Variants in NLRP14 observed in about 807,000 individuals in gnomAD.
NLRP14 encodes NACHT, LRR and PYD domains-containing protein 14.
A neutral mutation model predicts 94.7 loss-of-function variants in NLRP14; 105 were observed. The observed-to-expected ratio is 1.11, with a 90% CI of 0.95 to 1.30. NLRP14 has a LOEUF of 1.30. Ranked by LOEUF, NLRP14 falls within the 50% of genes most tolerant of loss-of-function variation. The pLI, the probability that NLRP14 is intolerant of heterozygous loss-of-function variation, is 0.00. For missense variants in NLRP14, 1,362 were observed against 1,254.1 expected, an observed-to-expected ratio of 1.09 and a Z score of -1.30; for synonymous variants, 508 against 459.9, an observed-to-expected ratio of 1.10 and a Z score of -1.34.
At chr11:7,082,653 C>A in the NLRP14 span, among the ~76,000 whole-genome samples, 3 of 152,138 alleles carry the variant, frequency 2.0e-5, no homozygotes, top group Non-Finnish European at 1.5e-5. Context: ...TTATTTGTTG[C>A]ATTATCCTCA....
At chr11:7,054,947 G>T (rs1408291750) in intron 6 of NLRP14, among the ~76,000 whole-genome samples, 1 of 152,074 alleles carries the variant, frequency 6.6e-6, no homozygotes, top group Non-Finnish European at 1.5e-5. Flanking sequence ...GTCTTAGATT[G>T]AAGTCTTTAA....
chr11:7,088,941 G>C, the NLRP14 span: 1 of 692,372 alleles, frequency 1.4e-6, no homozygotes, highest in African/African-American at 1.8e-5. Flanking sequence ...GGAAACAGCC[G>C]ACCAATCACA....
chr11:7,090,180 A>G, the NLRP14 span: 27 of 1,613,760 alleles, frequency 1.7e-5, no homozygotes, highest in African/African-American at 1.6e-4. Context: ...CTCTCTGTCC[A>G]TGGAAAGGGG....
the NLRP14 span, chr11:7,089,424 C>T: frequency 1.3e-6 from 2 of 1,555,330 alleles, no homozygotes; most frequent in Non-Finnish European, 1.7e-6. Flanking sequence ...TCCCCGCAGC[C>T]GCGGTCGCCC....
chr11:7,059,883 C>T lies in NLRP14; in HGVS notation c.2634-11C>T. On this transcript the variant is annotated splice_polypyrimidine_tract_variant and intron_variant, in intron 8 of 11. Transcript: ENST00000299481. ...ATGATTCCATCTTTCTTCACATTGT[C>T]CTTCCTGTAGGCTGAGGCGTTGCCA... is the stretch of plus-strand genomic sequence containing the variant. The T allele has an allele frequency of 6.2e-7, 1 of 1,608,876 alleles. No individual in the cohort carries two copies. Among genetic ancestry groups the T allele is most frequent in the Admixed American group, 1.7e-5 (1 of 59,740 alleles).
intron 1 of NLRP14, among the ~76,000 whole-genome samples, chr11:7,028,863 CTT>C (rs1294043942): frequency 6.6e-6 from 1 of 152,034 alleles, no homozygotes; most frequent in African/African-American, 2.4e-5. Context: ...AAATCTTTAT[CTT>C]TTATGGATCC....
the NLRP14 span, among the ~76,000 whole-genome samples, chr11:7,081,330 G>A: frequency 6.6e-6 from 1 of 152,066 alleles, no homozygotes; most frequent in Non-Finnish European, 1.5e-5. Flanking sequence ...TGAGCCAAGT[G>A]GTCTAGGTGG....
At chr11:7,065,226 G>C (rs924856556) in intron 10 of NLRP14, among the ~76,000 whole-genome samples, 2 of 151,976 alleles carry the variant, frequency 1.3e-5, no homozygotes, top group Non-Finnish European at 2.9e-5. Flanking sequence ...CATTTATTTA[G>C]GTCTATCAAT....
intron 1 of NLRP14, among the ~76,000 whole-genome samples, chr11:7,029,834 G>A (rs578246041): frequency 6.6e-6 from 1 of 152,140 alleles, no homozygotes; most frequent in Non-Finnish European, 1.5e-5. Context: ...GGTAGTTTTT[G>A]TATGAATCTT....
rs143611582 is a variant in NLRP14 at position 7,057,732 on chromosome 11, A to G, written c.2347A>G (p.Ile783Val). The G allele has an allele frequency of 1.2e-3, 1,944 of 1,612,412 alleles. No individual in the cohort carries two copies. The highest frequency in any genetic ancestry group is 1.6e-3 in the Non-Finnish European group (1,834 of 1,178,570). The change falls in exon 7 of 12, where the codon ATC becomes GTC. Residue 783 changes from isoleucine to valine, a missense_variant. Coordinates refer to ENST00000299481, the MANE Select transcript of NLRP14 (RefSeq NM_176822.4). ...FCCLNISNAL[I>V]RSQSLIFLNL... The stretch of plus-strand genomic sequence containing the variant: ...TTGTCTAAATATATCTAATGCTCTC[A>G]TCAGAAGCCAGAGCCTGATATTTCT...
At chr11:7,048,551 CCTCCT>C (rs1464911483) in intron 5 of NLRP14, among the ~76,000 whole-genome samples, 1 of 152,122 alleles carries the variant, frequency 6.6e-6, no homozygotes, top group Non-Finnish European at 1.5e-5. Flanking sequence ...CAAATATTTT[CCTCCT>C]GATCTCAGTG....
At chr11:7,065,854 C>T (rs1852696821) in intron 10 of NLRP14, among the ~76,000 whole-genome samples, 1 of 152,112 alleles carries the variant, frequency 6.6e-6, no homozygotes, top group African/African-American at 2.4e-5. Context: ...TGCTATCCCT[C>T]TGCTAGCCCC....
downstream of NLRP14, among the ~76,000 whole-genome samples, chr11:7,076,100 T>C (rs895088125): frequency 5.9e-5 from 9 of 152,218 alleles, no homozygotes; most frequent in African/African-American, 2.2e-4. Context: ...ATGGTTAGAA[T>C]AAGTCAAATG....
intron 5 of NLRP14, 70 bp downstream of exon 5, chr11:7,046,902 C>T: frequency 8.7e-7 from 1 of 1,143,774 alleles, no homozygotes; most frequent in Non-Finnish European, 1.3e-6. Context: ...TCCACTCATA[C>T]TCGTTAGGGG....
At chr11:7,054,520 C>T (rs1331042635) in intron 6 of NLRP14, among the ~76,000 whole-genome samples, 1 of 152,092 alleles carries the variant, frequency 6.6e-6, no homozygotes, top group East Asian at 1.9e-4. Flanking sequence ...GAGGTAATTT[C>T]TCATTGTAGT....
downstream of NLRP14, among the ~76,000 whole-genome samples, chr11:7,076,364 C>G (rs1048204245): frequency 1.3e-5 from 2 of 151,970 alleles, no homozygotes; most frequent in African/African-American, 4.8e-5. Context: ...TATGTTTTAT[C>G]GTTTTCTTTT....
At chr11:7,084,998 A>G in the NLRP14 span, among the ~76,000 whole-genome samples, 13 of 152,290 alleles carry the variant, frequency 8.5e-5, no homozygotes, top group East Asian at 1.5e-3. Context: ...TGGTGAGGGG[A>G]AAAACTCTGT....
At chr11:7,077,367 C>T in the NLRP14 span, among the ~76,000 whole-genome samples, 1 of 152,226 alleles carries the variant, frequency 6.6e-6, no homozygotes, top group East Asian at 1.9e-4. Context: ...GTTCTTTGCC[C>T]GCAGGGGGCA....
intron 1 of NLRP14, among the ~76,000 whole-genome samples, chr11:7,028,758 G>A (rs1293892362): frequency 1.3e-5 from 2 of 151,772 alleles, no homozygotes. Flanking sequence ...TGCCATTCTT[G>A]TTTTCACTTT....
Sources: gnomAD v4.1 joint callset for allele counts (sites outside exome capture counted in the v4.1 genomes callset) on GRCh38, gnomAD v4.1.1 for gene constraint, MANE v1.5 for transcripts, NCBI Gene and HGNC (gene_info 2026-07-23, HGNC 2026-07-21) for gene names.